Variants in POLA1 observed in about 807,000 individuals in gnomAD.
POLA1 encodes DNA polymerase alpha 1, catalytic subunit, also known as DNA polymerase alpha catalytic subunit.
A neutral mutation model predicts 124.0 loss-of-function variants in POLA1; 15 were observed. That is an observed-to-expected ratio of 0.12 (90% CI 0.08 to 0.19). The LOEUF is 0.19. Ranked by LOEUF, POLA1 falls within the 10% of genes least tolerant of loss-of-function variation. POLA1 has a pLI of 1.00. For synonymous variants in POLA1, 408 were observed against 389.4 expected, an observed-to-expected ratio of 1.05 and a Z score of -0.56; for missense variants, 886 against 1,103.4, an observed-to-expected ratio of 0.80 and a Z score of 2.79.
At chrX:24,770,614 T>C (rs1258029265) in intron 26 of POLA1, among the ~76,000 whole-genome samples, 1 of 111,811 alleles carries the variant, frequency 8.9e-6, no homozygotes, top group African/African-American at 3.3e-5. Context: ...AAGAATCTTC[T>C]GTTTCTACAT....
chrX:24,945,170 G>A (rs1313304644), intron 36 of POLA1, among the ~76,000 whole-genome samples: 1 of 112,808 alleles, frequency 8.9e-6, no homozygotes, highest in Admixed American at 9.4e-5. Context: ...AAACGTCTGG[G>A]ACATTAAACA....
chrX:24,729,475 T>G (rs1297329982), intron 15 of POLA1, among the ~76,000 whole-genome samples: 1 of 112,247 alleles, frequency 8.9e-6, no homozygotes, highest in Non-Finnish European at 1.9e-5. Context: ...AAATGGTGAT[T>G]TTTTAAAAAT....
At chrX:24,849,131 G>A (rs932887665) in intron 34 of POLA1, among the ~76,000 whole-genome samples, 1 of 112,656 alleles carries the variant, frequency 8.9e-6, no homozygotes, top group Non-Finnish European at 1.9e-5. Flanking sequence ...TTTATATTTA[G>A]AACATTTAAA....
intron 36 of POLA1, among the ~76,000 whole-genome samples, chrX:24,994,848 A>G (rs748243121): frequency 5.2e-4 from 58 of 110,928 alleles, no homozygotes; most frequent in Non-Finnish European, 1.0e-3. Flanking sequence ...CACTCTCTTC[A>G]CCCAAAAGAT....
chrX:24,780,265 T>A (rs1262231476), intron 26 of POLA1, among the ~76,000 whole-genome samples: 1 of 112,303 alleles, frequency 8.9e-6, no homozygotes, highest in Non-Finnish European at 1.9e-5. Context: ...TGAAAAAGAT[T>A]GCTGTTCTTT....
intron 6 of POLA1, among the ~76,000 whole-genome samples, chrX:24,715,743 T>A (rs1420066054): frequency 1.8e-5 from 2 of 111,644 alleles, no homozygotes. Context: ...TAGGGATGTG[T>A]GGGTGTGTGT....
intron 36 of POLA1, among the ~76,000 whole-genome samples, chrX:24,931,182 T>G (rs1601882840): frequency 1.1e-5 from 1 of 89,700 alleles, no homozygotes; most frequent in African/African-American, 4.1e-5. Context: ...TGCATGTTTG[T>G]TTTTTTTTTC....
chrX:24,919,808 GTTTTT>G (rs1195362180), intron 35 of POLA1, among the ~76,000 whole-genome samples: 302 of 20,254 alleles, frequency 0.015, 1 homozygote, highest in African/African-American at 0.06. Context: ...TTTTTTTTTT[GTTTTT>G]TTTTTTGTTT....
intron 34 of POLA1, among the ~76,000 whole-genome samples, chrX:24,860,946 C>A (rs896620808): frequency 8.9e-6 from 1 of 111,779 alleles, no homozygotes; most frequent in African/African-American, 3.3e-5. Flanking sequence ...CCCACCACCA[C>A]TCTCTCAGTG....
intron 36 of POLA1, among the ~76,000 whole-genome samples, chrX:24,962,163 T>C (rs2048175632): frequency 9.0e-6 from 1 of 111,539 alleles, no homozygotes; most frequent in African/African-American, 3.3e-5. Context: ...AAGGAAATGT[T>C]AAAGAGGATA....
At chrX:24,746,935 A>G (rs1044429018) in intron 24 of POLA1, among the ~76,000 whole-genome samples, 2 of 111,880 alleles carry the variant, frequency 1.8e-5, no homozygotes, top group Admixed American at 9.4e-5. Flanking sequence ...GTAGCTGTTA[A>G]TAGAATTTAC....
chrX:24,769,675 G>T (rs1358568685), intron 26 of POLA1, among the ~76,000 whole-genome samples: 2 of 111,524 alleles, frequency 1.8e-5, no homozygotes, highest in African/African-American at 6.5e-5. Flanking sequence ...AAGGGGACTT[G>T]AAGGGGATAA....
chrX:24,755,192 C>T (rs1368044319), intron 26 of POLA1, among the ~76,000 whole-genome samples: 1 of 112,232 alleles, frequency 8.9e-6, no homozygotes, highest in East Asian at 2.8e-4. Context: ...AGCCACAATA[C>T]GTAACTCCCT....
Position 24,996,708 on chromosome X carries a change from T to C in POLA1, c.*758T>C, listed in dbSNP as rs2048611596. ...GTGTAGGGGTTACGGTGAGGATCAC[T>C]GTGTTGTATTCAGAAAAACGGGGAG... On this transcript the variant is annotated 3_prime_UTR_variant, in exon 37 of 37. Transcript: ENST00000379068. 1 of 112,569 alleles carries C rather than the reference T, an allele frequency of 8.9e-6. No individual in the cohort carries two copies. Among genetic ancestry groups the C allele is most frequent in the Admixed American group, 9.4e-5 (1 of 10,614 alleles). 9.3% of individuals were successfully genotyped at this position (112,569 alleles called of 1,213,427 possible).
At chrX:24,976,087 T>C (rs1306824447) in intron 36 of POLA1, among the ~76,000 whole-genome samples, 2 of 112,535 alleles carry the variant, frequency 1.8e-5, no homozygotes, top group Admixed American at 9.4e-5. Flanking sequence ...TGTAATTGCT[T>C]TACTTTGCAC....
At chrX:24,871,473 A>G (rs768218429) in intron 34 of POLA1, among the ~76,000 whole-genome samples, 34 of 112,413 alleles carry the variant, frequency 3.0e-4, no homozygotes, top group Non-Finnish European at 2.6e-4. Flanking sequence ...ACTAAATCCT[A>G]ACTTAATGGT....
intron 36 of POLA1, among the ~76,000 whole-genome samples, chrX:24,980,368 A>AG (rs2048407994): frequency 8.9e-6 from 1 of 112,273 alleles, no homozygotes; most frequent in African/African-American, 3.2e-5. Context: ...GGAGGAGGTG[A>AG]GCAGCTCTGT....
intron 35 of POLA1, among the ~76,000 whole-genome samples, chrX:24,896,781 C>G (rs751612949): frequency 1.4e-4 from 16 of 112,283 alleles, no homozygotes; most frequent in African/African-American, 4.9e-4. Context: ...GTATAGAAGG[C>G]AAGGCATCTA....
chrX:24,907,590 G>C (rs1443419515), intron 35 of POLA1, among the ~76,000 whole-genome samples: 1 of 112,112 alleles, frequency 8.9e-6, no homozygotes, highest in Non-Finnish European at 1.9e-5. Context: ...CATTTTGGAA[G>C]TGTTTAAACA....
Sources: allele counts gnomAD v4.1 joint callset (sites outside exome capture counted in the v4.1 genomes callset), GRCh38; gene constraint gnomAD v4.1.1; transcripts MANE v1.5; gene names NCBI Gene and HGNC (gene_info 2026-07-23, HGNC 2026-07-21).